The following ZNF462 variants were observed in gnomAD, a reference collection of about 807,000 sequenced individuals.
ZNF462 encodes zinc finger PBX1-interacting protein.
Under a neutral mutation model 201.9 loss-of-function variants are expected in ZNF462, and 10 were observed. The ratio of observed to expected loss-of-function variants is 0.05; its 90% CI spans 0.03 to 0.08. The LOEUF (loss-of-function observed/expected upper bound fraction) is 0.08. Ranked by LOEUF, ZNF462 falls within the 10% of genes least tolerant of loss-of-function variation. The pLI, the probability that ZNF462 is intolerant of heterozygous loss-of-function variation, is 1.00. For synonymous variants in ZNF462, 1,227 were observed against 1,193.3 expected (o/e 1.03, Z -0.58); for missense variants, 2,523 against 3,168.3 (o/e 0.80, Z 4.89).
intron 10 of ZNF462, among the ~76,000 whole-genome samples, chr9:106,989,455 G>A (rs771022730): frequency 2.6e-5 from 4 of 152,028 alleles, no homozygotes; most frequent in Non-Finnish European, 5.9e-5. Context: ...TTTTGTTAAG[G>A]ATTTTAGTGT....
chr9:106,933,772 T>C lies in ZNF462; in HGVS notation c.6116+1223T>C, dbSNP rs78894169. 0.082 allele frequency among the ~76,000 whole-genome samples: 12,515 copies of C among 152,172 alleles called. 1,189 individuals carry two copies. The highest frequency in any genetic ancestry group is 0.23 in the African/African-American group (9,694 of 41,484). On this transcript the variant is annotated intron_variant, in intron 5 of 12. Coordinates refer to ENST00000277225, the MANE Select transcript of ZNF462 (RefSeq NM_021224.6). The surrounding 1 kb of genome is among the most constrained non-coding windows in gnomAD (Gnocchi z 4.3). ...GAAGAGTCAGGAAGGTTTTATGGCA[T>C]AAGGAGCATTTGGGTGAAGTCTTAA...
rs1201630636 is a variant in ZNF462 at position 106,919,999 on chromosome 9, GTAT to G, written c.-30-3349_-30-3347del. On this transcript the variant is annotated intron_variant, in intron 1 of 12. Coordinates refer to ENST00000277225, the MANE Select transcript of ZNF462 (RefSeq NM_021224.6). The surrounding 1 kb of genome is among the most constrained non-coding windows in gnomAD (Gnocchi z 4.5). The stretch of plus-strand genomic sequence containing the variant: ...AAATATTGCTAATTTCATAATCATA[GTAT>G]TATTAAATGAAGTCAATAGATATGA... Among the ~76,000 whole-genome samples, 2 of 152,094 alleles carry G rather than the reference GTAT, an allele frequency of 1.3e-5. No homozygotes were observed. Among genetic ancestry groups the G allele is most frequent in the East Asian group, 1.9e-4 (1 of 5,204 alleles).
chr9:106,915,189 G>GC (rs2131345335), intron 1 of ZNF462, among the ~76,000 whole-genome samples: 1 of 151,182 alleles, frequency 6.6e-6, no homozygotes, highest in South Asian at 2.1e-4. Flanking sequence ...GGCTGGATAG[G>GC]CATTTCTGTA....
At chr9:106,906,171 G>A (rs888751603) in intron 1 of ZNF462, among the ~76,000 whole-genome samples, 6 of 152,170 alleles carry the variant, frequency 3.9e-5, no homozygotes, top group South Asian at 2.1e-4. Context: ...CTTCTCCAGT[G>A]GGGGGTGTGT....
intron 10 of ZNF462, among the ~76,000 whole-genome samples, chr9:106,999,054 T>C (rs564447231): frequency 7.0e-4 from 107 of 152,304 alleles, no homozygotes; most frequent in Middle Eastern, 3.4e-3. Flanking sequence ...AATTATTATG[T>C]ATCTGAACAA....
At chr9:106,899,764 C>A (rs549616939) in intron 1 of ZNF462, among the ~76,000 whole-genome samples, 28 of 152,244 alleles carry the variant, frequency 1.8e-4, no homozygotes, top group African/African-American at 6.5e-4. Flanking sequence ...ACAGCTCATT[C>A]TCAGGTTTCC....
rs1830584119 is a variant in ZNF462 at position 106,935,241 on chromosome 9, A to G, written c.6117-262A>G. ...AGAGCTCTAAGAAGGGACAATAAAGATTCTTACCATGACCTGTTACCACTG... is the reference window on the plus strand; with the variant it reads ...AGAGCTCTAAGAAGGGACAATAAAGGTTCTTACCATGACCTGTTACCACTG... On this transcript the variant is annotated intron_variant, in intron 5 of 12. Coordinates refer to ENST00000277225, the MANE Select transcript of ZNF462 (RefSeq NM_021224.6). The surrounding 1 kb of genome is among the most constrained non-coding windows in gnomAD (Gnocchi z 4.1). Among the ~76,000 whole-genome samples, 1 of 152,132 alleles carries G rather than the reference A, an allele frequency of 6.6e-6. No individual in the cohort carries two copies.
In ZNF462 at chr9:107,009,814, C is replaced by A; in HGVS notation, c.7313+146C>A. The A allele has an allele frequency of 8.3e-7, 1 of 1,208,930 alleles. No homozygotes were observed. Among genetic ancestry groups the A allele is most frequent in the Non-Finnish European group, 1.1e-6 (1 of 888,084 alleles). 74.9% of individuals were successfully genotyped at this position (1,208,930 alleles called of 1,614,324 possible). A position where few individuals can be genotyped will look rare whatever the true frequency, so the allele number is the denominator to read the frequency against. On this transcript the variant is annotated intron_variant, in intron 12 of 12. Transcript: ENST00000277225. This position sits in a 1 kb window ranked among gnomAD's most constrained non-coding sequence, Gnocchi z 6.1. ...TGGGAGGAGAGGCAATGGTGAGGAA[C>A]CAAGTTTCTCCTTTTCTGTTGTTTT... is the stretch of plus-strand genomic sequence containing the variant.
chr9:106,892,217 A>C (rs1828608995), intron 1 of ZNF462, among the ~76,000 whole-genome samples: 1 of 152,204 alleles, frequency 6.6e-6, no homozygotes, highest in African/African-American at 2.4e-5. Flanking sequence ...AGAAAATCCA[A>C]GTACAAGGTA....
intron 10 of ZNF462, among the ~76,000 whole-genome samples, chr9:106,995,145 T>G (rs1447518056): frequency 6.6e-6 from 1 of 152,146 alleles, no homozygotes; most frequent in Non-Finnish European, 1.5e-5. Context: ...AATTATGTCT[T>G]TCACCTAGCT....
At chr9:106,871,992 A>G (rs989407894) in intron 1 of ZNF462, among the ~76,000 whole-genome samples, 1 of 152,194 alleles carries the variant, frequency 6.6e-6, no homozygotes, top group Non-Finnish European at 1.5e-5. Flanking sequence ...ACTTGAGCCA[A>G]GCGTCACAGG....
At chr9:106,946,913 G>C (rs1831132641) in intron 7 of ZNF462, among the ~76,000 whole-genome samples, 1 of 152,208 alleles carries the variant, frequency 6.6e-6, no homozygotes. Context: ...CATACATTCT[G>C]ATTGTATGTC....
chr9:106,879,830 A>C (rs953444367), intron 1 of ZNF462, among the ~76,000 whole-genome samples: 7 of 152,112 alleles, frequency 4.6e-5, no homozygotes, highest in Non-Finnish European at 7.4e-5. Context: ...TCCCTTGTTA[A>C]ACCTGAAAGC....
intron 10 of ZNF462, among the ~76,000 whole-genome samples, chr9:106,995,080 T>C (rs1022684276): frequency 2.0e-5 from 3 of 152,018 alleles, no homozygotes; most frequent in African/African-American, 7.3e-5. Flanking sequence ...GTATTTTGGG[T>C]CCAGGAGATT....
At position 106,885,165 on chromosome 9, in the gene ZNF462, T is replaced by C. The variant is rs1440834239; in HGVS notation, c.-31+21810T>C. 2.0e-5 allele frequency among the ~76,000 whole-genome samples: 3 copies of C among 152,228 alleles called. No individual in the cohort carries two copies. Among genetic ancestry groups the C allele is most frequent in the Non-Finnish European group, 4.4e-5 (3 of 68,034 alleles). On this transcript the variant is annotated intron_variant, in intron 1 of 12. Coordinates refer to ENST00000277225, the MANE Select transcript of ZNF462 (RefSeq NM_021224.6). This position sits in a 1 kb window ranked among gnomAD's most constrained non-coding sequence, Gnocchi z 4.1. The stretch of plus-strand genomic sequence containing the variant: ...CCCAAGAAAATGCAAGGAATTTATT[T>C]ATTTTCTTTACATGTTGTCTACTCC...
Position 107,010,813 on chromosome 9 carries a change from G to GT in ZNF462, c.7314-5dup, listed in dbSNP as rs766619160. The GT allele has an allele frequency of 2.5e-6, 4 of 1,608,774 alleles. No individual in the cohort carries two copies. The highest frequency in any genetic ancestry group is 8.5e-7 in the Non-Finnish European group (1 of 1,177,526). ...ATACTCATCTGTCTCTTCGATAAAT[G>GT]TTTTTCCAGGGCATTGAATGACACC... is the stretch of plus-strand genomic sequence containing the variant. On this transcript the variant is annotated splice_polypyrimidine_tract_variant and intron_variant, in intron 12 of 12. Transcript: ENST00000277225. The surrounding 1 kb of genome is among the most constrained non-coding windows in gnomAD (Gnocchi z 4.6).
intron 8 of ZNF462, among the ~76,000 whole-genome samples, chr9:106,973,749 G>A (rs1826772859): frequency 6.6e-6 from 1 of 152,124 alleles, no homozygotes; most frequent in East Asian, 1.9e-4. Flanking sequence ...TATACAGGCA[G>A]TTTCTAAGTC....
intron 7 of ZNF462, among the ~76,000 whole-genome samples, chr9:106,959,080 T>C (rs1831710836): frequency 6.6e-6 from 1 of 152,126 alleles, no homozygotes; most frequent in Non-Finnish European, 1.5e-5. Context: ...CATTGTTAAC[T>C]AACAAAATAG....
Position 106,902,363 on chromosome 9 carries a change from A to T in ZNF462, c.-30-20991A>T, listed in dbSNP as rs1221189000. 6.6e-6 allele frequency among the ~76,000 whole-genome samples: 1 copy of T among 152,062 alleles called. No homozygotes were observed. Among genetic ancestry groups the T allele is most frequent in the Non-Finnish European group, 1.5e-5 (1 of 68,000 alleles). On this transcript the variant is annotated intron_variant, in intron 1 of 12. Coordinates refer to ENST00000277225, the MANE Select transcript of ZNF462 (RefSeq NM_021224.6). This position sits in a 1 kb window ranked among gnomAD's most constrained non-coding sequence, Gnocchi z 4.2. ...ATTTTAGCATCTATATTCATCAAGG[A>T]TATTGGTCTGTAGTTTTCTTCTGTG... is the stretch of plus-strand genomic sequence containing the variant.
Sources: gnomAD v4.1 joint callset for allele counts (sites outside exome capture counted in the v4.1 genomes callset) on GRCh38, gnomAD v4.1.1 for gene constraint, Gnocchi (gnomAD v3.1) non-coding constraint, MANE v1.5 for transcripts, NCBI Gene and HGNC (gene_info 2026-07-23, HGNC 2026-07-21) for gene names.